Variants in TRMU observed in about 807,000 individuals in gnomAD.
TRMU encodes the protein tRNA mitochondrial 2-thiouridylase.
A neutral mutation model predicts 46.9 loss-of-function variants in TRMU; 49 were observed. That is an observed-to-expected ratio of 1.05 (90% CI 0.83 to 1.33). TRMU has a LOEUF of 1.33. TRMU is among the 40% of genes most tolerant of loss of function. TRMU has a pLI of 0.00. For missense variants in TRMU, 572 were observed against 532.4 expected, an observed-to-expected ratio of 1.07 and a Z score of -0.73; for synonymous variants, 241 against 200.9, an observed-to-expected ratio of 1.20 and a Z score of -1.69.
intron 4 of TRMU, among the ~76,000 whole-genome samples, chr22:46,346,771 G>A (rs2078270160): frequency 6.6e-6 from 1 of 152,220 alleles, no homozygotes; most frequent in African/African-American, 2.4e-5. Flanking sequence ...GGTGAGGGCT[G>A]GTGGAAAGTG....
In TRMU at chr22:46,338,813, G is replaced by T. The variant is rs1192662785; in HGVS notation, c.248+869G>T. Among the ~76,000 whole-genome samples the T allele has an allele frequency of 1.3e-5, 2 of 152,074 alleles. No individual in the cohort carries two copies. The highest frequency in any genetic ancestry group is 2.9e-5 in the Non-Finnish European group (2 of 68,004). ...TGACTGTGATGAATGTCGGGCAGTT[G>T]TCGAAGGCGTCTGACACAGCAGGCC... On this transcript the variant is annotated intron_variant, in intron 2 of 10. Coordinates refer to ENST00000645190, the MANE Select transcript of TRMU (RefSeq NM_018006.5). This position sits in a 1 kb window ranked among gnomAD's most constrained non-coding sequence, Gnocchi z 4.5.
Position 46,337,946 on chromosome 22 carries a change from T to C in TRMU, c.248+2T>C, listed in dbSNP as rs1449669260. The C allele has an allele frequency of 6.2e-7, 1 of 1,614,090 alleles. No homozygotes were observed. Among genetic ancestry groups the C allele is most frequent in the Non-Finnish European group, 8.5e-7 (1 of 1,179,970 alleles). ...GGAGTATTGGAATGATGTGTTCAGG[T>C]GAGTGCGGGTCACAGCACAAAGGAA... On this transcript the variant is annotated splice_donor_variant, in intron 2 of 10. Transcript: ENST00000645190. LOFTEE classifies it high-confidence loss of function.
Position 46,343,279 on chromosome 22 carries a change from A to G in TRMU, c.266A>G (p.Tyr89Cys). The G allele has an allele frequency of 6.2e-7, 1 of 1,613,066 alleles. No homozygotes were observed. Among genetic ancestry groups the G allele is most frequent in the East Asian group, 2.2e-5 (1 of 44,876 alleles). ...NDVFSDFLNE[Y>C]EKGRTPNPDI... ...TATTCTAGTGACTTTTTGAATGAGT[A>G]TGAAAAAGGAAGGACTCCCAATCCT... is the stretch of plus-strand genomic sequence containing the variant. Residue 89 changes from tyrosine to cysteine, a missense_variant, in exon 3 of 11, where the codon TAT (tyrosine) becomes TGT (cysteine). Coordinates refer to ENST00000645190, the MANE Select transcript of TRMU (RefSeq NM_018006.5).
At chr22:46,352,214 G>C in intron 6 of TRMU, 40 bp downstream of exon 6, 1 of 1,613,846 alleles carries the variant, frequency 6.2e-7, no homozygotes, top group Non-Finnish European at 8.5e-7. Flanking sequence ...GGGGCTGCGT[G>C]TCTGCCCTGG....
intron 1 of TRMU, 30 bp from the exon 2 acceptor site, chr22:46,337,749 A>G: frequency 1.2e-6 from 2 of 1,613,938 alleles, no homozygotes; most frequent in Non-Finnish European, 1.7e-6. Flanking sequence ...TGATTTATGT[A>G]TTCTCTTTAA....
Position 46,338,048 on chromosome 22 carries a change from G to C in TRMU, c.248+104G>C. On this transcript the variant is annotated intron_variant, in intron 2 of 10. Transcript: ENST00000645190. This position sits in a 1 kb window ranked among gnomAD's most constrained non-coding sequence, Gnocchi z 4.5. ...ACCGACGCCTGTGCTGCAGCCCAGC[G>C]CTCTCCCTCCACGGTGGTGCTGAAG... is the stretch of plus-strand genomic sequence containing the variant. 6.6e-7 allele frequency: 1 copy of C among 1,514,142 alleles called. No homozygotes were observed. The allele number at this position is 1,514,142 out of a possible 1,614,324, so 93.8% of individuals were successfully genotyped here.
At chr22:46,355,876 C>A (rs1569089078) in intron 9 of TRMU, 114 bp from the exon 10 acceptor site, 7 of 1,243,086 alleles carry the variant, frequency 5.6e-6, no homozygotes, top group Non-Finnish European at 6.8e-6. Context: ...CCCTGCCCTT[C>A]CCCTCTAAGC....
chr22:46,339,397 G>T lies in TRMU; in HGVS notation c.248+1453G>T, dbSNP rs988332996. ...ACTCCTGACCTCAGAAGATCCACTCGTCTCAGCCTCCCAAAGTGCTGGGAT... is the reference window on the plus strand; with the variant it reads ...ACTCCTGACCTCAGAAGATCCACTCTTCTCAGCCTCCCAAAGTGCTGGGAT... On this transcript the variant is annotated intron_variant, in intron 2 of 10. Coordinates refer to ENST00000645190, the MANE Select transcript of TRMU (RefSeq NM_018006.5). The surrounding 1 kb of genome is among the most constrained non-coding windows in gnomAD (Gnocchi z 4.8). Among the ~76,000 whole-genome samples the T allele has an allele frequency of 4.6e-5, 7 of 152,220 alleles. No individual in the cohort carries two copies. The highest frequency in any genetic ancestry group is 1.7e-4 in the African/African-American group (7 of 41,458).
At position 46,350,863 on chromosome 22, in the gene TRMU, G is replaced by A. The variant is rs2078399531; in HGVS notation, c.651+400G>A. 6.6e-6 allele frequency among the ~76,000 whole-genome samples: 1 copy of A among 152,320 alleles called. No individual in the cohort carries two copies. Among genetic ancestry groups the A allele is most frequent in the South Asian group, 2.1e-4 (1 of 4,830 alleles). On this transcript the variant is annotated intron_variant, in intron 5 of 10. Coordinates refer to ENST00000645190, the MANE Select transcript of TRMU (RefSeq NM_018006.5). This position sits in a 1 kb window ranked among gnomAD's most constrained non-coding sequence, Gnocchi z 4.6. ...CATGTGCCCTGTCACCCGCTTGCCC[G>A]GCACAGACTCGTTCGGTGCCATCTG...
rs1261111844 is a variant in TRMU at position 46,351,295 on chromosome 22, G to C, written c.652-826G>C. ...GAGCGCACCCAGGAGTTTGAGGACAGCCTGGGCAACACAGCGAAACTCGTC... is the reference window on the plus strand; with the variant it reads ...GAGCGCACCCAGGAGTTTGAGGACACCCTGGGCAACACAGCGAAACTCGTC... On this transcript the variant is annotated intron_variant, in intron 5 of 10. Transcript: ENST00000645190. This position sits in a 1 kb window ranked among gnomAD's most constrained non-coding sequence, Gnocchi z 6.4. 1.3e-5 allele frequency among the ~76,000 whole-genome samples: 2 copies of C among 152,204 alleles called. No homozygotes were observed. The highest frequency in any genetic ancestry group is 2.9e-5 in the Non-Finnish European group (2 of 68,038).
rs1569091253 is a variant in TRMU, at chr22:46,356,925, G to A, written c.1185G>A (p.Lys395=). 5 of 1,613,296 alleles carry A rather than the reference G, an allele frequency of 3.1e-6. No homozygotes were observed. Among genetic ancestry groups the A allele is most frequent in the Non-Finnish European group, 4.2e-6 (5 of 1,179,888 alleles). ...GGCCGTCTGCCTACACGCTCCAGAA[G>A]GGCCAGCGCAGAGCTGGGATGGCCA... ...RLGPSAYTLQ[K]GQRRAGMATE... is the part of the protein sequence containing the mutation. Residue 395 remains lysine, a synonymous_variant, in exon 11 of 11, where the codon AAG becomes AAA. Coordinates refer to ENST00000645190, the MANE Select transcript of TRMU (RefSeq NM_018006.5).
At position 46,338,409 on chromosome 22, in the gene TRMU, G is replaced by A. The variant is rs1246041569; in HGVS notation, c.248+465G>A. Among the ~76,000 whole-genome samples, 1 of 152,272 alleles carries A rather than the reference G, an allele frequency of 6.6e-6. No individual in the cohort carries two copies. The highest frequency in any genetic ancestry group is 1.5e-5 in the Non-Finnish European group (1 of 68,048). On this transcript the variant is annotated intron_variant, in intron 2 of 10. Transcript: ENST00000645190. The surrounding 1 kb of genome is among the most constrained non-coding windows in gnomAD (Gnocchi z 4.5). ...TATAATCTCAATAATTAAGTGCTGT[G>A]TGCTAGGCGTGTGCCACATCTAGGA...
In TRMU at chr22:46,352,119, A is replaced by G. The variant is rs1336164502; in HGVS notation, c.652-2A>G. On this transcript the variant is annotated splice_acceptor_variant, in intron 5 of 10. Transcript: ENST00000645190. LOFTEE classifies it high-confidence loss of function. Reference sequence around the variant, plus strand: ...CTCACGGCTGCCGTCTTCTCATTTCAGAGCATGGGCATGTGTTTCATCGGG... The same window carrying G: ...CTCACGGCTGCCGTCTTCTCATTTCGGAGCATGGGCATGTGTTTCATCGGG... The G allele has an allele frequency of 1.2e-6, 2 of 1,613,108 alleles. No homozygotes were observed. Among genetic ancestry groups the G allele is most frequent in the Non-Finnish European group, 8.5e-7 (1 of 1,180,018 alleles).
intron 3 of TRMU, among the ~76,000 whole-genome samples, chr22:46,345,191 C>T (rs1347002708): frequency 2.6e-5 from 4 of 152,310 alleles, no homozygotes; most frequent in Non-Finnish European, 4.4e-5. Flanking sequence ...CTGCCTCAGC[C>T]TCCCAAGTAG....
chr22:46,355,374 G>T lies in TRMU; in HGVS notation c.874-70G>T, dbSNP rs540178463. On this transcript the variant is annotated intron_variant, in intron 8 of 10. Transcript: ENST00000645190. ...GTGCTGGTAGGACAGTTGTTCCCAG[G>T]GACCACACTGAGGCCGGCCTTGGGG... The T allele has an allele frequency of 2.6e-5, 41 of 1,585,142 alleles. No individual in the cohort carries two copies. In the African/African-American group the frequency reaches 5.1e-4, roughly 20 times the overall value.
Position 46,335,774 on chromosome 22 carries a change from T to C in TRMU, c.10T>C (p.Leu4=). The C allele has an allele frequency of 2.6e-6, 4 of 1,552,332 alleles. No individual in the cohort carries two copies. The highest frequency in any genetic ancestry group is 3.5e-6 in the Non-Finnish European group (4 of 1,153,008). The change falls in exon 1 of 11, where the codon TTG becomes CTG. Residue 4 remains leucine, a synonymous_variant. Coordinates refer to ENST00000645190, the MANE Select transcript of TRMU (RefSeq NM_018006.5). ...GTTGGGCGACTGGCGGATGCAGGCC[T>C]TGCGGCACGTCGTGTGCGCCCTGTC... MQA[L]RHVVCALSGG... is the part of the protein sequence containing the mutation.
At chr22:46,346,624 T>A in intron 4 of TRMU, 80 bp downstream of exon 4, 1 of 1,503,016 alleles carries the variant, frequency 6.7e-7, no homozygotes, top group Non-Finnish European at 9.1e-7. Flanking sequence ...GGGTTGTGCC[T>A]GAGGATCACT....
At position 46,351,784 on chromosome 22, in the gene TRMU, C is replaced by T. The variant is rs992975059; in HGVS notation, c.652-337C>T. The T allele has an allele frequency of 2.4e-6, 1 of 422,796 alleles. No homozygotes were observed. The highest frequency in any genetic ancestry group is 3.5e-5 in the Admixed American group (1 of 28,302). The allele number at this position is 422,796 out of a possible 1,614,324, so 26.2% of individuals were successfully genotyped here. A position where few individuals can be genotyped will look rare whatever the true frequency, so the allele number is the denominator to read the frequency against. ...AGGCCTGGCTTTCCTGCTACCTGCC[C>T]CTTCTCTGGTCCCTGTCTCTCCCCC... On this transcript the variant is annotated intron_variant, in intron 5 of 10. Transcript: ENST00000645190. The surrounding 1 kb of genome is among the most constrained non-coding windows in gnomAD (Gnocchi z 6.4).
In TRMU at chr22:46,355,921, C is replaced by G. The variant is rs1288975970; in HGVS notation, c.1019-69C>G. On this transcript the variant is annotated intron_variant, in intron 9 of 10. Transcript: ENST00000645190. ...TGACCCCGTGGGCTGGTGCTCCTTT[C>G]TCCCTGGGGGCCTGAGGTCGACCAG... 8 of 1,571,154 alleles carry G rather than the reference C, an allele frequency of 5.1e-6. No individual in the cohort carries two copies. The East Asian group carries it at 1.8e-4, about 35-fold the overall frequency.
Sources: allele counts gnomAD v4.1 joint callset (sites outside exome capture counted in the v4.1 genomes callset), GRCh38; gene constraint gnomAD v4.1.1; non-coding constraint Gnocchi (gnomAD v3.1); transcripts MANE v1.5; gene names NCBI Gene and HGNC (gene_info 2026-07-23, HGNC 2026-07-21).